The following SEPTIN10 variants were observed in gnomAD, a reference collection of about 807,000 sequenced individuals.
The protein encoded by SEPTIN10 is septin 10.
In SEPTIN10, 66 loss-of-function variants were observed where a neutral mutation model predicts 54.8. That is an observed-to-expected ratio of 1.21 (90% confidence interval 0.99 to 1.48). The LOEUF is 1.48. SEPTIN10 is among the 40% of genes most tolerant of loss of function. SEPTIN10 has a pLI of 0.00. For synonymous variants in SEPTIN10, 161 were observed against 181.0 expected (o/e 0.89, Z 0.89); for missense variants, 620 against 545.6 (o/e 1.14, Z -1.36).
Position 109,585,840 on chromosome 2 carries a change from T to A in SEPTIN10, c.100-2A>T. 2.5e-6 allele frequency: 4 copies of A among 1,611,588 alleles called. No individual in the cohort carries two copies. The highest frequency in any genetic ancestry group is 1.7e-4 in the Middle Eastern group (1 of 6,048). ...CAACGAACGAATGTTTTCTCTTTTC[T>A]GAAGGAAAATAAAAACAAAAACAAC... On this transcript the variant is annotated splice_acceptor_variant, in intron 2 of 10. Transcript: ENST00000397712. LOFTEE classifies it high-confidence loss of function.
intron 9 of SEPTIN10, chr2:109,552,731 G>A (rs372799324): frequency 5.5e-4 from 110 of 199,848 alleles, no homozygotes; most frequent in Middle Eastern, 4.4e-3. Flanking sequence ...CCACCACTGA[G>A]ACTGGTTGAA....
chr2:109,565,920 A>T, intron 6 of SEPTIN10, 61 bp from the exon 7 acceptor site: 1 of 1,350,062 alleles, frequency 7.4e-7, no homozygotes, highest in Non-Finnish European at 1.1e-6. Flanking sequence ...AGATAAAATA[A>T]ATTTTATGTG....
intron 5 of SEPTIN10, 43 bp downstream of exon 5, chr2:109,574,538 T>G: frequency 8.2e-7 from 1 of 1,223,728 alleles, no homozygotes; most frequent in South Asian, 2.6e-5. Context: ...CAGTTAAAAA[T>G]AAATATTAAA....
intron 1 of SEPTIN10, among the ~76,000 whole-genome samples, chr2:109,601,595 T>C (rs1417412182): frequency 6.6e-6 from 1 of 152,228 alleles, no homozygotes; most frequent in African/African-American, 2.4e-5. Context: ...GTTTCTCTTA[T>C]TAGTAAGAGC....
At chr2:109,569,145 T>C (rs545611026) in intron 5 of SEPTIN10, among the ~76,000 whole-genome samples, 1 of 152,050 alleles carries the variant, frequency 6.6e-6, no homozygotes, top group South Asian at 2.1e-4. Flanking sequence ...AAGTAAAAAA[T>C]TGACTGGGCG....
At chr2:109,590,845 G>A (rs1227460862) in intron 2 of SEPTIN10, among the ~76,000 whole-genome samples, 2 of 152,146 alleles carry the variant, frequency 1.3e-5, no homozygotes, top group Admixed American at 6.5e-5. Flanking sequence ...GTCTCTAGGA[G>A]CTGACAACAA....
At chr2:109,574,887 T>C (rs924925245) in intron 4 of SEPTIN10, 120 bp from the exon 5 acceptor site, 1 of 577,324 alleles carries the variant, frequency 1.7e-6, no homozygotes, top group African/African-American at 1.9e-5. Context: ...ATATCTATGC[T>C]GAACAGATTA....
chr2:109,561,473 T>C (rs951363963), intron 8 of SEPTIN10, among the ~76,000 whole-genome samples: 8 of 152,156 alleles, frequency 5.3e-5, no homozygotes, highest in Non-Finnish European at 1.0e-4. Flanking sequence ...TGCAAAATAA[T>C]AGTAATCTCT....
intron 1 of SEPTIN10, chr2:109,605,608 T>A (rs1697765203): frequency 6.6e-6 from 1 of 152,202 alleles, no homozygotes; most frequent in Non-Finnish European, 1.5e-5. Flanking sequence ...TACCTGAGGA[T>A]AAGCTAAATA....
At position 109,546,238 on chromosome 2, in the gene SEPTIN10, C is replaced by T; in HGVS notation, c.1162-1G>A. The T allele has an allele frequency of 6.5e-7, 1 of 1,537,172 alleles. No homozygotes were observed. Among genetic ancestry groups the T allele is most frequent in the Non-Finnish European group, 8.7e-7 (1 of 1,144,198 alleles). On this transcript the variant is annotated splice_acceptor_variant, in intron 9 of 10. Coordinates refer to ENST00000397712, the MANE Select transcript of SEPTIN10 (RefSeq NM_144710.5). LOFTEE classifies it high-confidence loss of function. ...TAAGGTGCTCAAATTTGGCCTGTAG[C>T]TGGAAACAAAAGTGCAATCCCCACT...
At chr2:109,607,076 C>T (rs947714734) in intron 1 of SEPTIN10, among the ~76,000 whole-genome samples, 2 of 152,170 alleles carry the variant, frequency 1.3e-5, no homozygotes, top group Middle Eastern at 3.2e-3. Context: ...TGCTCTTCTC[C>T]GCTAATCCAT....
intron 4 of SEPTIN10, 98 bp from the exon 5 acceptor site, chr2:109,574,865 A>T (rs966563235): frequency 3.3e-5 from 26 of 781,522 alleles, no homozygotes; most frequent in Non-Finnish European, 4.7e-5. Context: ...TTCACTAATT[A>T]ATAAACAGTT....
intron 1 of SEPTIN10, among the ~76,000 whole-genome samples, chr2:109,601,402 A>G (rs1696566113): frequency 6.6e-6 from 1 of 152,246 alleles, no homozygotes; most frequent in South Asian, 2.1e-4. Flanking sequence ...CCATTTCATT[A>G]TATATTCATC....
chr2:109,553,140 A>C lies in SEPTIN10; in HGVS notation c.1108T>G (p.Phe370Val). 1 of 1,613,948 alleles carries C rather than the reference A, an allele frequency of 6.2e-7. No homozygotes were observed. Among genetic ancestry groups the C allele is most frequent in the Non-Finnish European group, 8.5e-7 (1 of 1,180,024 alleles). The change falls in exon 9 of 11, where the codon TTT becomes GTT. Residue 370 changes from phenylalanine (F) to valine (V), a missense_variant. Transcript: ENST00000397712. ...QRKEEEMKQM[F>V]VQRVKEKEAI... Reference sequence around the variant, plus strand: ...TCTTTCTCCTTTACTCGCTGCACAAACATCTGTTTCATTTCTTCTTCCTTC... The same window carrying C: ...TCTTTCTCCTTTACTCGCTGCACAACCATCTGTTTCATTTCTTCTTCCTTC...
At chr2:109,569,418 A>G (rs1167850450) in intron 5 of SEPTIN10, among the ~76,000 whole-genome samples, 1 of 150,232 alleles carries the variant, frequency 6.7e-6, no homozygotes, top group Non-Finnish European at 1.5e-5. Flanking sequence ...AGCCTGGGCA[A>G]CAAGAGCAAA....
intron 4 of SEPTIN10, among the ~76,000 whole-genome samples, chr2:109,577,408 A>G (rs1488550264): frequency 1.3e-5 from 2 of 152,004 alleles, no homozygotes; most frequent in Non-Finnish European, 2.9e-5. Context: ...AGCCTGGCCA[A>G]CATGGTGAAA....
intron 5 of SEPTIN10, among the ~76,000 whole-genome samples, chr2:109,573,285 C>T (rs754808469): frequency 3.3e-5 from 5 of 152,146 alleles, no homozygotes; most frequent in Non-Finnish European, 4.4e-5. Flanking sequence ...TATTTAGAGC[C>T]GTCCTCCACT....
chr2:109,567,118 C>T (rs1687212935), intron 6 of SEPTIN10, among the ~76,000 whole-genome samples: 1 of 152,092 alleles, frequency 6.6e-6, no homozygotes, highest in African/African-American at 2.4e-5. Context: ...TTGAAAGTCA[C>T]TGTTAGGCGC....
rs1027426436 is a variant in SEPTIN10 at position 109,544,250 on chromosome 2, G to A, written c.*59C>T. On this transcript the variant is annotated 3_prime_UTR_variant, in exon 11 of 11. Coordinates refer to ENST00000397712, the MANE Select transcript of SEPTIN10 (RefSeq NM_144710.5). ...ACAGCAAAATCAAAGCACACTTCTAGTTTTTTTTTAATAAAGTTTGCTTGT... is the reference window on the plus strand; with the variant it reads ...ACAGCAAAATCAAAGCACACTTCTAATTTTTTTTTAATAAAGTTTGCTTGT... 1.9e-6 allele frequency: 3 copies of A among 1,589,552 alleles called. No individual in the cohort carries two copies. The African/African-American group carries it at 4.0e-5, about 21-fold the overall frequency.
Sources: allele counts gnomAD v4.1 joint callset (sites outside exome capture counted in the v4.1 genomes callset), GRCh38; gene constraint gnomAD v4.1.1; transcripts MANE v1.5; gene names NCBI Gene and HGNC (gene_info 2026-07-23, HGNC 2026-07-21).